RPSA2: variants seen among roughly 807,000 people sequenced by gnomAD.
The protein encoded by RPSA2 is small ribosomal subunit protein uS2B.
the RPSA2 span, among the ~76,000 whole-genome samples, chr19:23,830,183 C>T: frequency 8.0e-4 from 122 of 152,232 alleles, no homozygotes; most frequent in African/African-American, 2.9e-3. Context: ...CTCTATCCCC[C>T]AGCCAGGCTG....
At chr19:23,779,862 C>T in the RPSA2 span, among the ~76,000 whole-genome samples, 1 of 152,210 alleles carries the variant, frequency 6.6e-6, no homozygotes, top group African/African-American at 2.4e-5. Context: ...ATGTGCATAA[C>T]TTTCAGGAGA....
the RPSA2 span, chr19:23,819,011 TGGTTAAAG>T: frequency 1.1e-3 from 170 of 152,178 alleles, no homozygotes; most frequent in African/African-American, 4.0e-3. Flanking sequence ...CCCTTTAACG[TGGTTAAAG>T]GGAATAGCAA....
the RPSA2 span, among the ~76,000 whole-genome samples, chr19:23,761,448 G>A: frequency 0.012 from 1,812 of 152,232 alleles, 14 homozygotes; most frequent in Middle Eastern, 0.017. Flanking sequence ...ATTCCAGCCA[G>A]AGCACCAGAG....
the RPSA2 span, among the ~76,000 whole-genome samples, chr19:23,759,793 G>T: frequency 2.0e-5 from 3 of 151,798 alleles, no homozygotes; most frequent in Admixed American, 2.0e-4. Flanking sequence ...AAGTGCTGGG[G>T]TTACAGGTGT....
the RPSA2 span, among the ~76,000 whole-genome samples, chr19:23,805,121 GCACACACACACA>G: frequency 4.7e-4 from 71 of 149,684 alleles, no homozygotes; most frequent in African/African-American, 8.2e-4. Context: ...AAAATAAAAA[GCACACACACACA>G]CACACACACA....
At chr19:23,831,424 G>T in the RPSA2 span, among the ~76,000 whole-genome samples, 26 of 152,060 alleles carry the variant, frequency 1.7e-4, no homozygotes, top group Middle Eastern at 3.4e-3. Context: ...ATGTATTTGG[G>T]TCTGTATATT....
At chr19:23,830,163 C>A in the RPSA2 span, among the ~76,000 whole-genome samples, 1 of 151,292 alleles carries the variant, frequency 6.6e-6, no homozygotes, top group Non-Finnish European at 1.5e-5. Flanking sequence ...TTTTTTGAGA[C>A]TAAACGTCTC....
chr19:23,869,279 C>T, the RPSA2 span, among the ~76,000 whole-genome samples: 1 of 152,204 alleles, frequency 6.6e-6, no homozygotes, highest in African/African-American at 2.4e-5. Context: ...TGTATCACTA[C>T]AAAGATGTCG....
At chr19:23,829,578 G>A in the RPSA2 span, among the ~76,000 whole-genome samples, 1 of 152,212 alleles carries the variant, frequency 6.6e-6, no homozygotes, top group Admixed American at 6.5e-5. Flanking sequence ...TGGAATTACA[G>A]GCATAAGCCA....
At chr19:23,865,490 G>A in the RPSA2 span, among the ~76,000 whole-genome samples, 1 of 152,034 alleles carries the variant, frequency 6.6e-6, no homozygotes, top group Non-Finnish European at 1.5e-5. Flanking sequence ...GGTTCGCATG[G>A]TCCTACTGCT....
chr19:23,826,040 A>AAAAAC, the RPSA2 span, among the ~76,000 whole-genome samples: 1 of 151,030 alleles, frequency 6.6e-6, no homozygotes, highest in South Asian at 2.1e-4. Flanking sequence ...TCAAAAAAAA[A>AAAAAC]CAAAATTTAC....
the RPSA2 span, among the ~76,000 whole-genome samples, chr19:23,846,678 G>A: frequency 6.6e-6 from 1 of 152,144 alleles, no homozygotes; most frequent in Non-Finnish European, 1.5e-5. Flanking sequence ...CACTCTAAAA[G>A]TACCATCCTG....
chr19:23,870,268 G>A, the RPSA2 span, among the ~76,000 whole-genome samples: 1 of 152,174 alleles, frequency 6.6e-6, no homozygotes, highest in Non-Finnish European at 1.5e-5. Flanking sequence ...CTGGAGGCAT[G>A]CAGCCAACTA....
At chr19:23,853,101 T>G in the RPSA2 span, among the ~76,000 whole-genome samples, 10 of 152,232 alleles carry the variant, frequency 6.6e-5, no homozygotes, top group Admixed American at 2.0e-4. Context: ...GTAGGGCTAT[T>G]CAGCATTCCC....
At chr19:23,843,578 G>T in the RPSA2 span, among the ~76,000 whole-genome samples, 1 of 152,174 alleles carries the variant, frequency 6.6e-6, no homozygotes, top group South Asian at 2.1e-4. Context: ...GGGGCAATAT[G>T]AGAATATCTC....
the RPSA2 span, among the ~76,000 whole-genome samples, chr19:23,779,570 C>A: frequency 2.0e-5 from 3 of 152,172 alleles, no homozygotes; most frequent in Non-Finnish European, 2.9e-5. Context: ...CCTCCCTGAA[C>A]CCTGTCAGAA....
the RPSA2 span, among the ~76,000 whole-genome samples, chr19:23,812,939 G>A: frequency 6.6e-6 from 1 of 152,038 alleles, no homozygotes; most frequent in Non-Finnish European, 1.5e-5. Flanking sequence ...AAATATACAT[G>A]TCACAGCCAG....
At chr19:23,792,014 G>T in the RPSA2 span, among the ~76,000 whole-genome samples, 1 of 152,114 alleles carries the variant, frequency 6.6e-6, no homozygotes, top group Admixed American at 6.5e-5. Flanking sequence ...GAGCCACTGC[G>T]CCCTGCCGAC....
the RPSA2 span, chr19:23,823,720 C>T: frequency 6.6e-6 from 1 of 152,278 alleles, no homozygotes; most frequent in African/African-American, 2.4e-5. Flanking sequence ...CGGTTCCTGC[C>T]TTGGGCCCCA....
Sources: gnomAD v4.1 joint callset for allele counts (sites outside exome capture counted in the v4.1 genomes callset) on GRCh38, gnomAD v4.1.1 for gene constraint, MANE v1.5 for transcripts, NCBI Gene and HGNC (gene_info 2026-07-23, HGNC 2026-07-21) for gene names.